NOL4: variants seen among roughly 807,000 people sequenced by gnomAD.
NOL4 encodes nucleolar protein 4, also known as cancer/testis antigen 125.
A neutral mutation model predicts 75.9 loss-of-function variants in NOL4; 17 were observed. The ratio of observed to expected loss-of-function variants is 0.22; its 90% CI spans 0.15 to 0.34. NOL4 has a LOEUF of 0.34. Ranked by LOEUF, NOL4 falls within the 10% of genes least tolerant of loss-of-function variation. The pLI is 1.00. For synonymous variants in NOL4, 292 were observed against 289.9 expected, an observed-to-expected ratio of 1.01 and a Z score of -0.07; for missense variants, 614 against 793.5, an observed-to-expected ratio of 0.77 and a Z score of 2.72.
At chr18:34,213,022 G>A (rs1294361496) in intron 1 of NOL4, among the ~76,000 whole-genome samples, 2 of 152,086 alleles carry the variant, frequency 1.3e-5, no homozygotes, top group African/African-American at 4.8e-5. Context: ...GGCTCGTCAT[G>A]TTCACAGATG....
chr18:33,989,198 A>T, intron 6 of NOL4, among the ~76,000 whole-genome samples: 1 of 150,016 alleles, frequency 6.7e-6, no homozygotes, highest in African/African-American at 2.4e-5. Flanking sequence ...TACAAAAAAA[A>T]AAAAAAAAAA....
At chr18:33,906,178 G>A (rs750402595) in intron 9 of NOL4, among the ~76,000 whole-genome samples, 1 of 152,126 alleles carries the variant, frequency 6.6e-6, no homozygotes, top group Admixed American at 6.6e-5. Flanking sequence ...GTACCCACAC[G>A]TAACAATGTA....
intron 6 of NOL4, among the ~76,000 whole-genome samples, chr18:34,009,504 C>T (rs1182449261): frequency 1.3e-5 from 2 of 151,908 alleles, no homozygotes; most frequent in Admixed American, 6.6e-5. Context: ...CAATAACAAC[C>T]ACTGCAGCAA....
At chr18:34,116,028 T>C (rs2079840597) in intron 2 of NOL4, among the ~76,000 whole-genome samples, 1 of 152,172 alleles carries the variant, frequency 6.6e-6, no homozygotes, top group Non-Finnish European at 1.5e-5. Flanking sequence ...GGACTGGAAT[T>C]CATCAGTAAA....
intron 9 of NOL4, among the ~76,000 whole-genome samples, chr18:33,913,635 G>T (rs2066539850): frequency 6.6e-6 from 1 of 152,058 alleles, no homozygotes; most frequent in South Asian, 2.1e-4. Flanking sequence ...TAGAAAAAAT[G>T]CAGTCTTTCT....
chr18:34,008,195 A>G (rs2074150502), intron 6 of NOL4, among the ~76,000 whole-genome samples: 2 of 151,960 alleles, frequency 1.3e-5, no homozygotes, highest in African/African-American at 4.8e-5. Flanking sequence ...ATGGTCTTCT[A>G]ATTCAGACTG....
chr18:33,937,620 A>G (rs1224815513), intron 9 of NOL4, among the ~76,000 whole-genome samples: 1 of 152,104 alleles, frequency 6.6e-6, no homozygotes, highest in Non-Finnish European at 1.5e-5. Context: ...CATGCAAAAG[A>G]ACTCTGGCTC....
intron 6 of NOL4, among the ~76,000 whole-genome samples, chr18:33,982,073 A>G (rs1033579777): frequency 1.3e-5 from 2 of 152,134 alleles, no homozygotes; most frequent in Non-Finnish European, 2.9e-5. Flanking sequence ...ATAAGAAAGG[A>G]GAGAACATGG....
At chr18:33,909,239 T>C (rs916964144) in intron 9 of NOL4, among the ~76,000 whole-genome samples, 1 of 152,126 alleles carries the variant, frequency 6.6e-6, no homozygotes, top group African/African-American at 2.4e-5. Context: ...GAAAAGTATA[T>C]CTAAGCTTCT....
intron 6 of NOL4, among the ~76,000 whole-genome samples, chr18:33,981,200 A>G (rs1362157640): frequency 6.6e-6 from 1 of 152,022 alleles, no homozygotes; most frequent in African/African-American, 2.4e-5. Context: ...AGAATATGTA[A>G]GAACTGTGGG....
chr18:33,943,000 A>C, intron 9 of NOL4, 65 bp downstream of exon 9: 3 of 1,090,312 alleles, frequency 2.8e-6, no homozygotes, highest in Non-Finnish European at 4.2e-6. Context: ...CTTCAACATA[A>C]ATCAAATTAA....
intron 6 of NOL4, among the ~76,000 whole-genome samples, chr18:33,996,710 G>A (rs2073311827): frequency 6.6e-6 from 1 of 151,806 alleles, no homozygotes; most frequent in African/African-American, 2.4e-5. Context: ...GCTTCCAGCT[G>A]CAGTTATCTT....
chr18:33,897,725 T>C (rs2065498152), intron 9 of NOL4, among the ~76,000 whole-genome samples: 1 of 152,088 alleles, frequency 6.6e-6, no homozygotes, highest in South Asian at 2.1e-4. Flanking sequence ...TTTGACTACG[T>C]AACAAACCTT....
intron 6 of NOL4, among the ~76,000 whole-genome samples, chr18:33,983,305 G>A (rs890427654): frequency 1.2e-4 from 19 of 152,170 alleles, no homozygotes; most frequent in Admixed American, 2.0e-4. Context: ...ACACTACTGA[G>A]CATGAACCCT....
chr18:34,031,757 C>G (rs1264659969), intron 5 of NOL4, among the ~76,000 whole-genome samples: 1 of 152,210 alleles, frequency 6.6e-6, no homozygotes, highest in Non-Finnish European at 1.5e-5. Flanking sequence ...AAGAGAGACT[C>G]CTCAATACAA....
chr18:33,983,477 C>T (rs777350773), intron 6 of NOL4, among the ~76,000 whole-genome samples: 6 of 151,794 alleles, frequency 4.0e-5, no homozygotes, highest in South Asian at 2.1e-4. Context: ...TATAAACACA[C>T]GCACACACAT....
intron 10 of NOL4, among the ~76,000 whole-genome samples, chr18:33,875,588 G>A (rs191680874): frequency 1.3e-5 from 2 of 151,970 alleles, no homozygotes; most frequent in East Asian, 1.9e-4. Context: ...TGAATGAACT[G>A]GAGCCTTCCT....
intron 5 of NOL4, among the ~76,000 whole-genome samples, chr18:34,032,813 T>A (rs967336267): frequency 1.3e-5 from 2 of 152,086 alleles, no homozygotes; most frequent in Non-Finnish European, 2.9e-5. Context: ...AGGACAGGCA[T>A]CCCAGCCCAT....
chr18:34,170,900 A>G (rs2032968339), intron 1 of NOL4, among the ~76,000 whole-genome samples: 2 of 152,210 alleles, frequency 1.3e-5, no homozygotes, highest in Admixed American at 6.5e-5. Context: ...CACTAAATAT[A>G]TAATGAGTGT....
Sources: allele counts gnomAD v4.1 joint callset (sites outside exome capture counted in the v4.1 genomes callset), GRCh38; gene constraint gnomAD v4.1.1; transcripts MANE v1.5; gene names NCBI Gene and HGNC (gene_info 2026-07-23, HGNC 2026-07-21).